Variants in GRID1 observed in about 807,000 individuals in gnomAD.
GRID1 encodes the protein glutamate ionotropic receptor delta type subunit 1, also known as glutamate receptor ionotropic, delta-1.
In GRID1, 28 loss-of-function variants were observed where a neutral mutation model predicts 98.0. The observed-to-expected ratio is 0.29, with a 90% CI of 0.21 to 0.39. The LOEUF is 0.39. Ranked by LOEUF, GRID1 falls within the 10% of genes least tolerant of loss-of-function variation. The probability of loss-of-function intolerance (pLI) is 1.00; values close to 1 mark genes in which losing one functional copy is unlikely to be tolerated. For missense variants in GRID1, 1,111 were observed against 1,340.5 expected (o/e 0.83, Z 2.67); for synonymous variants, 553 against 538.5 (o/e 1.03, Z -0.37).
chr10:85,944,801 T>C (rs916097373), intron 4 of GRID1, among the ~76,000 whole-genome samples: 1 of 149,550 alleles, frequency 6.7e-6, no homozygotes, highest in Non-Finnish European at 1.5e-5. Flanking sequence ...TTTGGAAAGA[T>C]GAATGTGATT....
At chr10:86,083,678 T>C (rs1312097166) in intron 4 of GRID1, among the ~76,000 whole-genome samples, 1 of 152,196 alleles carries the variant, frequency 6.6e-6, no homozygotes, top group Non-Finnish European at 1.5e-5. Flanking sequence ...GAATATAAGT[T>C]ATGTCGCTAT....
At position 85,836,260 on chromosome 10, in the gene GRID1, C is replaced by T. The variant is rs186849845; in HGVS notation, c.1233+18236G>A. On this transcript the variant is annotated intron_variant, in intron 8 of 15. Coordinates refer to ENST00000327946, the MANE Select transcript of GRID1 (RefSeq NM_017551.3). ...AAAAAATCAATAAAGGAGGGGAGGACAAGATGACCAACTAGATGTAGACAA... is the reference window on the plus strand; with the variant it reads ...AAAAAATCAATAAAGGAGGGGAGGATAAGATGACCAACTAGATGTAGACAA... Among the ~76,000 whole-genome samples, 42 of 151,790 alleles carry T rather than the reference C, an allele frequency of 2.8e-4. 1 individual carries two copies. In the South Asian group the frequency reaches 5.0e-3, roughly 18 times the overall value.
intron 12 of GRID1, chr10:85,648,118 AAGCACTTCTG>A (rs1175633480): frequency 6.6e-5 from 10 of 152,234 alleles, no homozygotes; most frequent in Non-Finnish European, 1.3e-4. Context: ...GAAAAAAACA[AAGCACTTCTG>A]AGGGCCTTGG....
intron 4 of GRID1, among the ~76,000 whole-genome samples, chr10:85,919,621 TC>T (rs1328756240): frequency 6.6e-6 from 1 of 152,170 alleles, no homozygotes; most frequent in Admixed American, 6.5e-5. Context: ...CACCATTAAT[TC>T]CCCTTCTAAG....
chr10:85,726,161 A>G (rs1288115216), intron 10 of GRID1, among the ~76,000 whole-genome samples: 1 of 152,126 alleles, frequency 6.6e-6, no homozygotes, highest in African/African-American at 2.4e-5. Flanking sequence ...GCAGATGTAA[A>G]TTTCATAGGA....
chr10:86,161,009 G>A lies in GRID1; in HGVS notation c.521-21985C>T, dbSNP rs527916099. 5.9e-5 allele frequency among the ~76,000 whole-genome samples: 9 copies of A among 152,290 alleles called. No homozygotes were observed. In the South Asian group the frequency reaches 1.9e-3, roughly 32 times the overall value. On this transcript the variant is annotated intron_variant, in intron 3 of 15. Coordinates refer to ENST00000327946, the MANE Select transcript of GRID1 (RefSeq NM_017551.3). Reference sequence around the variant, plus strand: ...TGCTCCCCTAAATACTCAAGAATGAGGGTGTTCTTGTGAAAAAGTGTTTAC... The same window carrying A: ...TGCTCCCCTAAATACTCAAGAATGAAGGTGTTCTTGTGAAAAAGTGTTTAC...
chr10:86,263,089 TG>T (rs1383263591), intron 2 of GRID1, among the ~76,000 whole-genome samples: 1 of 152,196 alleles, frequency 6.6e-6, no homozygotes, highest in Non-Finnish European at 1.5e-5. Context: ...GCCCGGGTGC[TG>T]GGGTTGCAGC....
intron 8 of GRID1, among the ~76,000 whole-genome samples, chr10:85,833,715 C>T (rs572997550): frequency 2.6e-5 from 4 of 152,040 alleles, no homozygotes; most frequent in East Asian, 1.9e-4. Context: ...CATAAAAATG[C>T]TTCAACAAGC....
chr10:86,305,571 G>A (rs1313476396), intron 2 of GRID1, among the ~76,000 whole-genome samples: 1 of 152,138 alleles, frequency 6.6e-6, no homozygotes, highest in African/African-American at 2.4e-5. Context: ...GGCTGTGGAG[G>A]CAGCAGCCAG....
intron 2 of GRID1, among the ~76,000 whole-genome samples, chr10:86,262,628 C>T (rs1469906302): frequency 6.6e-6 from 1 of 152,130 alleles, no homozygotes; most frequent in Non-Finnish European, 1.5e-5. Context: ...TAGGAAGGGC[C>T]CCTTCCCCAC....
chr10:86,019,855 G>A (rs570836685), intron 4 of GRID1, among the ~76,000 whole-genome samples: 1 of 152,358 alleles, frequency 6.6e-6, no homozygotes, highest in South Asian at 2.1e-4. Flanking sequence ...GTGGTTCGAG[G>A]AGCACACTGA....
chr10:86,193,316 G>A (rs1002675635), intron 3 of GRID1, among the ~76,000 whole-genome samples: 1 of 152,118 alleles, frequency 6.6e-6, no homozygotes, highest in African/African-American at 2.4e-5. Context: ...CTGTGGTTGT[G>A]TGCCTGGCAC....
At chr10:86,216,915 T>C (rs981904951) in intron 2 of GRID1, among the ~76,000 whole-genome samples, 3 of 151,966 alleles carry the variant, frequency 2.0e-5, no homozygotes, top group African/African-American at 7.2e-5. Context: ...AAAGGATCCC[T>C]AGGGTAACCA....
At chr10:86,319,816 T>C (rs1847946080) in intron 2 of GRID1, among the ~76,000 whole-genome samples, 1 of 152,162 alleles carries the variant, frequency 6.6e-6, no homozygotes, top group South Asian at 2.1e-4. Context: ...CTGCCCCTCC[T>C]CCTCTCCTCC....
intron 15 of GRID1, among the ~76,000 whole-genome samples, chr10:85,610,701 T>A (rs528861951): frequency 3.9e-5 from 6 of 152,230 alleles, no homozygotes; most frequent in African/African-American, 1.4e-4. Context: ...CTCTGCCACA[T>A]CTGTGCATGA....
rs968395133 is a variant in GRID1 at position 85,859,414 on chromosome 10, CGGATGGAT to C, written c.952-3232_952-3225del. ...ATGGATGGATGGATGGATGGATGGA[CGGATGGAT>C]GGATGGATGGATGCATGGAGTGATT... On this transcript the variant is annotated intron_variant, in intron 6 of 15. Transcript: ENST00000327946. Among the ~76,000 whole-genome samples, 17 of 150,010 alleles carry C rather than the reference CGGATGGAT, an allele frequency of 1.1e-4. No individual in the cohort carries two copies. The South Asian group carries it at 3.6e-3, about 32-fold the overall frequency.
chr10:85,687,492 C>T (rs7094293), intron 12 of GRID1, among the ~76,000 whole-genome samples: 3,336 of 152,024 alleles, frequency 0.022, 118 homozygotes, highest in African/African-American at 0.076. Context: ...GGACCAGGCA[C>T]GGTGGATCAT....
chr10:86,162,855 G>T, intron 3 of GRID1, among the ~76,000 whole-genome samples: 1 of 152,122 alleles, frequency 6.6e-6, no homozygotes, highest in African/African-American at 2.4e-5. Flanking sequence ...ATGGGCTCCT[G>T]CGAACAGAGT....
intron 4 of GRID1, among the ~76,000 whole-genome samples, chr10:86,129,783 G>A (rs1266923426): frequency 6.6e-6 from 1 of 152,204 alleles, no homozygotes; most frequent in African/African-American, 2.4e-5. Flanking sequence ...TGTCCTTCAA[G>A]GCAGCCACTC....
Sources: allele counts gnomAD v4.1 joint callset (sites outside exome capture counted in the v4.1 genomes callset), GRCh38; gene constraint gnomAD v4.1.1; transcripts MANE v1.5; gene names NCBI Gene and HGNC (gene_info 2026-07-23, HGNC 2026-07-21).